The following SAMD3 variants were observed in gnomAD, a reference collection of about 807,000 sequenced individuals.
SAMD3 encodes the protein sterile alpha motif domain containing 3.
A neutral mutation model predicts 58.5 loss-of-function variants in SAMD3; 63 were observed. That is an observed-to-expected ratio of 1.08 (90% CI 0.88 to 1.33). The LOEUF (loss-of-function observed/expected upper bound fraction) is 1.33, where lower values mean the gene tolerates loss of function less well. Among genes scored for constraint, SAMD3 ranks in the 40% most tolerant of loss-of-function variants. The pLI is 0.00. For synonymous variants in SAMD3, 220 were observed against 210.3 expected (o/e 1.05, Z -0.40); for missense variants, 604 against 608.4 (o/e 0.99, Z 0.08).
At chr6:130,162,532 G>C (rs1790368801) in intron 8 of SAMD3, among the ~76,000 whole-genome samples, 1 of 152,016 alleles carries the variant, frequency 6.6e-6, no homozygotes, top group Non-Finnish European at 1.5e-5. Flanking sequence ...TAAGAAAACG[G>C]TATCTTGCCA....
At chr6:130,214,814 G>GA (rs746161339) in intron 3 of SAMD3, among the ~76,000 whole-genome samples, 50 of 151,342 alleles carry the variant, frequency 3.3e-4, no homozygotes, top group Non-Finnish European at 6.0e-4. Flanking sequence ...TTTTTATAAG[G>GA]AAAAAAAACT....
At chr6:130,330,553 A>T (rs2115011980) in intron 1 of SAMD3, among the ~76,000 whole-genome samples, 1 of 152,344 alleles carries the variant, frequency 6.6e-6, no homozygotes, top group South Asian at 2.1e-4. Flanking sequence ...AAGGGAGGAA[A>T]TTAAATTATG....
At chr6:130,158,152 A>G (rs1372669615) in intron 8 of SAMD3, among the ~76,000 whole-genome samples, 1 of 152,192 alleles carries the variant, frequency 6.6e-6, no homozygotes, top group East Asian at 1.9e-4. Flanking sequence ...CTGATTCAAT[A>G]TTTCTGTCAA....
chr6:130,253,111 C>T (rs772534721), intron 2 of SAMD3, among the ~76,000 whole-genome samples: 20 of 152,200 alleles, frequency 1.3e-4, no homozygotes, highest in Non-Finnish European at 2.4e-4. Flanking sequence ...TGTATCCTTT[C>T]CTTAGCAATT....
chr6:130,246,189 A>T (rs1378999099), intron 2 of SAMD3, among the ~76,000 whole-genome samples: 3 of 152,236 alleles, frequency 2.0e-5, no homozygotes, highest in Non-Finnish European at 4.4e-5. Context: ...AATATACTAA[A>T]AATCAAGACA....
At chr6:130,331,846 T>C (rs1776944515) in intron 1 of SAMD3, among the ~76,000 whole-genome samples, 1 of 152,260 alleles carries the variant, frequency 6.6e-6, no homozygotes, top group Non-Finnish European at 1.5e-5. Flanking sequence ...TGACTTTACA[T>C]AGCATGGTGA....
At chr6:130,150,638 A>C (rs1420226145) in intron 9 of SAMD3, among the ~76,000 whole-genome samples, 3 of 151,396 alleles carry the variant, frequency 2.0e-5, no homozygotes, top group Admixed American at 6.6e-5. Flanking sequence ...GTTCTCACTC[A>C]TGAGGCATTG....
chr6:130,280,814 C>A (rs916597846), intron 2 of SAMD3, among the ~76,000 whole-genome samples: 7 of 152,078 alleles, frequency 4.6e-5, no homozygotes, highest in Non-Finnish European at 8.8e-5. Flanking sequence ...ATCTATATCA[C>A]CATCAGGATA....
At chr6:130,238,973 G>T (rs1001423398) in intron 2 of SAMD3, among the ~76,000 whole-genome samples, 16 of 152,128 alleles carry the variant, frequency 1.1e-4, no homozygotes, top group Non-Finnish European at 2.2e-4. Flanking sequence ...TGGCTAGGCT[G>T]GTCTCAAACT....
At chr6:130,195,982 G>C (rs979316324) in intron 5 of SAMD3, among the ~76,000 whole-genome samples, 1 of 152,146 alleles carries the variant, frequency 6.6e-6, no homozygotes, top group South Asian at 2.1e-4. Context: ...TCGTTTTTCT[G>C]TTCCTTGAAG....
At chr6:130,338,127 C>T (rs1307097231) in intron 1 of SAMD3, among the ~76,000 whole-genome samples, 2 of 152,330 alleles carry the variant, frequency 1.3e-5, no homozygotes, top group Admixed American at 6.5e-5. Flanking sequence ...GGACTTGGTG[C>T]CCTGCGTTCC....
intron 8 of SAMD3, among the ~76,000 whole-genome samples, chr6:130,163,970 G>T (rs1790494336): frequency 6.6e-6 from 1 of 151,622 alleles, no homozygotes; most frequent in African/African-American, 2.4e-5. Context: ...TGAATTATAG[G>T]TATAGTGTTA....
intron 5 of SAMD3, among the ~76,000 whole-genome samples, chr6:130,194,368 C>T (rs746537347): frequency 3.9e-5 from 6 of 152,214 alleles, no homozygotes; most frequent in Non-Finnish European, 8.8e-5. Context: ...TCTCAATATA[C>T]ATTTTATTAC....
intron 10 of SAMD3, 32 bp downstream of exon 10, chr6:130,145,978 T>C: frequency 7.7e-7 from 1 of 1,307,104 alleles, no homozygotes; most frequent in Non-Finnish European, 1.0e-6. Flanking sequence ...AAATAACAGA[T>C]GAAATCACAC....
chr6:130,168,509 C>T (rs1056784121), intron 8 of SAMD3, among the ~76,000 whole-genome samples: 1 of 152,096 alleles, frequency 6.6e-6, no homozygotes. Flanking sequence ...TTTGGTAAAT[C>T]CCATCAGACC....
In SAMD3 at chr6:130,154,800, G is replaced by GTA. The variant is rs756058736; in HGVS notation, c.1023+23_1023+24dup. ...TGTGTATATACATATATATGTGTGT[G>GTA]TATATATATATAGAATAAAGATACC... is the stretch of plus-strand genomic sequence containing the variant. On this transcript the variant is annotated intron_variant, in intron 9 of 11. Coordinates refer to ENST00000439090, the MANE Select transcript of SAMD3 (RefSeq NM_001017373.4). 504 of 1,268,034 alleles carry GTA rather than the reference G, an allele frequency of 4.0e-4. 1 individual carries two copies. Among genetic ancestry groups the GTA allele is most frequent in the Middle Eastern group, 9.5e-4 (5 of 5,274 alleles). The allele number at this position is 1,268,034 out of a possible 1,614,324, so 78.5% of individuals were successfully genotyped here. A position where few individuals can be genotyped will look rare whatever the true frequency, so the allele number is the denominator to read the frequency against.
chr6:130,158,346 A>G (rs1217167054), intron 8 of SAMD3, among the ~76,000 whole-genome samples: 2 of 152,216 alleles, frequency 1.3e-5, no homozygotes, highest in African/African-American at 2.4e-5. Context: ...GTATTGATGC[A>G]GGGATAGATG....
intron 1 of SAMD3, among the ~76,000 whole-genome samples, chr6:130,339,742 T>C (rs1777214228): frequency 6.6e-6 from 1 of 152,182 alleles, no homozygotes; most frequent in Non-Finnish European, 1.5e-5. Context: ...CTTTCTAAAC[T>C]CCTCTTTCAG....
intron 2 of SAMD3, among the ~76,000 whole-genome samples, chr6:130,283,701 A>G (rs1285157407): frequency 6.6e-6 from 1 of 152,250 alleles, no homozygotes; most frequent in African/African-American, 2.4e-5. Flanking sequence ...GACAAAATTA[A>G]GAGTATTTAC....
Sources: allele counts gnomAD v4.1 joint callset (sites outside exome capture counted in the v4.1 genomes callset), GRCh38; gene constraint gnomAD v4.1.1; transcripts MANE v1.5; gene names NCBI Gene and HGNC (gene_info 2026-07-23, HGNC 2026-07-21).